Variants in DCAF10 observed in about 807,000 individuals in gnomAD.
The protein encoded by DCAF10 is DDB1 and CUL4 associated factor 10, also known as DDB1- and CUL4-associated factor 10.
DCAF10 carries 19 observed loss-of-function variants against 51.9 expected under a neutral mutation model. That is an observed-to-expected ratio of 0.37 (90% confidence interval 0.26 to 0.54). The LOEUF is 0.54. Ranked by LOEUF, DCAF10 falls within the 20% of genes least tolerant of loss-of-function variation. The pLI is 0.87. For missense variants in DCAF10, 510 were observed against 730.6 expected (o/e 0.70, Z 3.48); for synonymous variants, 291 against 297.1 (o/e 0.98, Z 0.21).
At chr9:37,806,791 A>G (rs1377932947) in intron 1 of DCAF10, among the ~76,000 whole-genome samples, 2 of 152,160 alleles carry the variant, frequency 1.3e-5, no homozygotes, top group Non-Finnish European at 2.9e-5. Context: ...CACCCAATGA[A>G]TACCTGCCTA....
chr9:37,847,819 T>G (rs956449860), intron 3 of DCAF10, among the ~76,000 whole-genome samples: 3 of 152,186 alleles, frequency 2.0e-5, no homozygotes. Flanking sequence ...TCACAAGATA[T>G]ACAATCAATT....
At chr9:37,840,782 C>T (rs994345356) in intron 2 of DCAF10, among the ~76,000 whole-genome samples, 2 of 152,172 alleles carry the variant, frequency 1.3e-5, no homozygotes, top group African/African-American at 2.4e-5. Context: ...CTGACTCACC[C>T]AGAGCAACTC....
At chr9:37,810,467 T>TTTCTTTC (rs550208228) in intron 1 of DCAF10, among the ~76,000 whole-genome samples, 12 of 150,730 alleles carry the variant, frequency 8.0e-5, no homozygotes, top group Admixed American at 6.6e-5. Flanking sequence ...TTCTTTCTTT[T>TTTCTTTC]TTTTTTTGAG....
Position 37,801,051 on chromosome 9 carries a change from T to C in DCAF10, c.185T>C (p.Leu62Pro). 2 of 1,535,798 alleles carry C rather than the reference T, an allele frequency of 1.3e-6. No homozygotes were observed. The highest frequency in any genetic ancestry group is 1.7e-6 in the Non-Finnish European group (2 of 1,150,214). ...RSPRRPGAPSLSPAPRSGELG... is the reference protein window; with the variant it reads ...RSPRRPGAPSPSPAPRSGELG... The stretch of plus-strand genomic sequence containing the variant: ...CCTCGCCGCCCCGGCGCCCCATCGC[T>C]GTCCCCGGCCCCGCGCTCCGGAGAG... The change falls in exon 1 of 7, where the codon CTG becomes CCG. Residue 62 changes from leucine to proline, a missense_variant. Leu to Pro is a moderately conservative substitution (Grantham distance 98). Around this residue, in one of 4 missense-constraint regions of DCAF10, gnomAD observed 251 missense variants for 227.9 expected, o/e 1.10. Coordinates refer to ENST00000377724, the MANE Select transcript of DCAF10 (RefSeq NM_024345.5). The surrounding 1 kb of genome is among the most constrained non-coding windows in gnomAD (Gnocchi z 5.5).
upstream of DCAF10, chr9:37,800,591 C>G (rs1828885148): frequency 6.5e-7 from 1 of 1,536,056 alleles, no homozygotes; most frequent in Non-Finnish European, 8.7e-7. Context: ...TCACTGACAA[C>G]TACAGACCGA....
chr9:37,858,368 T>C (rs1830912926), intron 5 of DCAF10: 1 of 152,264 alleles, frequency 6.6e-6, no homozygotes, highest in African/African-American at 2.4e-5. Context: ...TTGCAGATTC[T>C]TCCTGTTCTC....
intron 2 of DCAF10, among the ~76,000 whole-genome samples, chr9:37,834,881 C>G (rs1830110139): frequency 6.6e-6 from 1 of 151,950 alleles, no homozygotes; most frequent in African/African-American, 2.4e-5. Flanking sequence ...CTCCGCCTCC[C>G]TGGCTCAAGA....
chr9:37,862,239 T>C lies in DCAF10; in HGVS notation c.*731T>C, dbSNP rs1265789867. 2.0e-5 allele frequency: 3 copies of C among 152,642 alleles called. No individual in the cohort carries two copies. The highest frequency in any genetic ancestry group is 4.4e-5 in the Non-Finnish European group (3 of 68,042). The allele number at this position is 152,642 out of a possible 1,614,324, so 9.5% of individuals were successfully genotyped here. ...TTGTATGAATTTAACATCTCTAGCA[T>C]GTATCCTTACTTGATATTTTGTTCC... On this transcript the variant is annotated 3_prime_UTR_variant, in exon 7 of 7. Coordinates refer to ENST00000377724, the MANE Select transcript of DCAF10 (RefSeq NM_024345.5).
chr9:37,838,924 A>C (rs1375377671), intron 2 of DCAF10, among the ~76,000 whole-genome samples: 1 of 152,168 alleles, frequency 6.6e-6, no homozygotes, highest in African/African-American at 2.4e-5. Context: ...AGTGAACACT[A>C]TTCAGCCATT....
rs111497140 is a variant in DCAF10 at position 37,858,034 on chromosome 9, TTGC to T, written c.1165+685_1165+687del. ...CTGAGTATTAAGAGCCAGAGATGGC[TTGC>T]TTTTTTTTTTGTCATTTTGGGTCAC... On this transcript the variant is annotated intron_variant, in intron 5 of 6. Coordinates refer to ENST00000377724, the MANE Select transcript of DCAF10 (RefSeq NM_024345.5). Among the ~76,000 whole-genome samples the T allele has an allele frequency of 1.0e-4, 15 of 149,770 alleles. 1 individual carries two copies. Among genetic ancestry groups the T allele is most frequent in the African/African-American group, 3.8e-4 (15 of 39,128 alleles).
At chr9:37,827,438 A>G (rs1190549331) in intron 2 of DCAF10, among the ~76,000 whole-genome samples, 2 of 152,234 alleles carry the variant, frequency 1.3e-5, no homozygotes, top group Non-Finnish European at 2.9e-5. Flanking sequence ...ATGGTGGTAG[A>G]GTTAATGTAT....
At chr9:37,807,348 C>T (rs1022792857) in intron 1 of DCAF10, among the ~76,000 whole-genome samples, 4 of 151,974 alleles carry the variant, frequency 2.6e-5, no homozygotes, top group Non-Finnish European at 4.4e-5. Flanking sequence ...TTTTTTTTAA[C>T]GTATCATGAC....
chr9:37,814,113 TATATATATATATA>T (rs1346900113), intron 1 of DCAF10, among the ~76,000 whole-genome samples: 1,814 of 91,586 alleles, frequency 0.02, 47 homozygotes, highest in African/African-American at 0.053. Flanking sequence ...TATATATATA[TATATATATATATA>T]TTTGTTGTTG....
chr9:37,812,612 G>A (rs7039022), intron 1 of DCAF10, among the ~76,000 whole-genome samples: 6,615 of 152,220 alleles, frequency 0.043, 488 homozygotes, highest in African/African-American at 0.15. Flanking sequence ...ATAAATATGC[G>A]TGTAAATCAA....
Position 37,801,256 on chromosome 9 carries a change from C to T in DCAF10, c.390C>T (p.Arg130=), listed in dbSNP as rs1828929611. 2 of 1,590,272 alleles carry T rather than the reference C, an allele frequency of 1.3e-6. No homozygotes were observed. Among genetic ancestry groups the T allele is most frequent in the Non-Finnish European group, 8.5e-7 (1 of 1,171,274 alleles). ...GGCTGTTCGGGTGGCTGAAAGAGCG[C>T]AGCCTGGGCCGCGGGCTGTTCGTGG... ...GARLFGWLKE[R]SLGRGLFVDP... The change falls in exon 1 of 7, where the codon CGC becomes CGT. Residue 130 remains arginine, a synonymous_variant. Transcript: ENST00000377724. The surrounding 1 kb of genome is among the most constrained non-coding windows in gnomAD (Gnocchi z 5.5).
intron 1 of DCAF10, among the ~76,000 whole-genome samples, chr9:37,813,082 T>C (rs1420110803): frequency 2.0e-5 from 3 of 152,076 alleles, no homozygotes; most frequent in Admixed American, 2.0e-4. Context: ...AAATAGCATA[T>C]GGGGAGATAT....
rs1412411600 is a variant in DCAF10, at chr9:37,866,358, T to C, written c.*4850T>C. ...ATTATAAGTATCCAGCTCTGATGTA[T>C]GTAAAACACTTCATAAAATGTAAAG... is the stretch of plus-strand genomic sequence containing the variant. On this transcript the variant is annotated 3_prime_UTR_variant, in exon 7 of 7. Coordinates refer to ENST00000377724, the MANE Select transcript of DCAF10 (RefSeq NM_024345.5). 6.6e-6 allele frequency: 1 copy of C among 152,664 alleles called. No individual in the cohort carries two copies. The highest frequency in any genetic ancestry group is 2.4e-5 in the African/African-American group (1 of 41,454). 9.5% of individuals were successfully genotyped at this position (152,664 alleles called of 1,614,324 possible). A position where few individuals can be genotyped will look rare whatever the true frequency, so the allele number is the denominator to read the frequency against.
intron 2 of DCAF10, among the ~76,000 whole-genome samples, chr9:37,834,914 G>A (rs1360426094): frequency 6.6e-6 from 1 of 151,606 alleles, no homozygotes; most frequent in Non-Finnish European, 1.5e-5. Context: ...TCAGCCTCCT[G>A]AGTAGCTGGG....
intron 3 of DCAF10, among the ~76,000 whole-genome samples, chr9:37,849,234 A>G (rs549191531): frequency 5.9e-5 from 9 of 152,096 alleles, no homozygotes; most frequent in Non-Finnish European, 8.8e-5. Flanking sequence ...GGGGGAGGGT[A>G]CTAGTTGGTG....
Sources: gnomAD v4.1 joint callset for allele counts (sites outside exome capture counted in the v4.1 genomes callset) on GRCh38, gnomAD v4.1.1 for gene constraint, gnomAD v4.1.1 regional missense constraint, Gnocchi (gnomAD v3.1) non-coding constraint, MANE v1.5 for transcripts, NCBI Gene and HGNC (gene_info 2026-07-23, HGNC 2026-07-21) for gene names.